INO80: variants seen among roughly 807,000 people sequenced by gnomAD.
INO80 encodes INO80 complex ATPase subunit.
In INO80, 20 loss-of-function variants were observed where a neutral mutation model predicts 203.4. The observed-to-expected ratio is 0.10, with a 90% CI of 0.07 to 0.14. INO80 has a LOEUF of 0.14. INO80 is among the 10% of genes least tolerant of loss of function. The pLI, the probability that INO80 is intolerant of heterozygous loss-of-function variation, is 1.00. For missense variants in INO80, 1,419 were observed against 1,914.4 expected, an observed-to-expected ratio of 0.74 and a Z score of 4.83; for synonymous variants, 726 against 685.2, an observed-to-expected ratio of 1.06 and a Z score of -0.93.
intron 29 of INO80, among the ~76,000 whole-genome samples, chr15:40,991,374 T>A (rs977512237): frequency 6.6e-6 from 1 of 152,038 alleles, no homozygotes; most frequent in Non-Finnish European, 1.5e-5. Context: ...CCAAGGCAGA[T>A]GTATGGTTAC....
intron 28 of INO80, among the ~76,000 whole-genome samples, chr15:40,998,432 G>C (rs2043910650): frequency 6.6e-6 from 1 of 152,128 alleles, no homozygotes; most frequent in Admixed American, 6.6e-5. Flanking sequence ...ATCAGTCCAT[G>C]AAGACAGGCT....
rs145789250 is a variant in INO80, at chr15:41,036,363, T to C, written c.2907+8541A>G. On this transcript the variant is annotated intron_variant, in intron 24 of 35. Coordinates refer to ENST00000648947, the MANE Select transcript of INO80 (RefSeq NM_017553.3). ...TAGCAACCTCTATTGCAAGTTTCTA[T>C]AGATTCACTTCTCTCTGGTGTTCCT... 2.2e-3 allele frequency among the ~76,000 whole-genome samples: 337 copies of C among 152,114 alleles called. 1 individual carries two copies. The highest frequency in any genetic ancestry group is 7.6e-3 in the African/African-American group (314 of 41,504).
At chr15:41,052,145 A>C (rs1224443159) in intron 19 of INO80, among the ~76,000 whole-genome samples, 2 of 152,082 alleles carry the variant, frequency 1.3e-5, no homozygotes, top group African/African-American at 4.8e-5. Context: ...AGTCTCAAAA[A>C]AAAAAAATTT....
At chr15:41,048,314 C>T (rs758092674) in intron 21 of INO80, 38 bp from the exon 22 acceptor site, 2 of 1,501,844 alleles carry the variant, frequency 1.3e-6, no homozygotes, top group South Asian at 2.3e-5. Flanking sequence ...CAAACCCAAA[C>T]ATAAATAATG....
At chr15:41,080,340 A>G (rs1424208790) in intron 8 of INO80, among the ~76,000 whole-genome samples, 1 of 152,164 alleles carries the variant, frequency 6.6e-6, no homozygotes, top group Non-Finnish European at 1.5e-5. Context: ...TTGAATGACT[A>G]CCCCAGAGAA....
intron 7 of INO80, among the ~76,000 whole-genome samples, chr15:41,081,438 G>A (rs552193550): frequency 6.6e-6 from 1 of 152,266 alleles, no homozygotes; most frequent in East Asian, 1.9e-4. Flanking sequence ...GGCTGAGAGA[G>A]CAGGGCATCC....
intron 26 of INO80, among the ~76,000 whole-genome samples, chr15:41,016,461 C>T (rs1200961887): frequency 6.6e-6 from 1 of 152,244 alleles, no homozygotes; most frequent in Admixed American, 6.5e-5. Context: ...GACATGTGCT[C>T]TTAAGGCACT....
chr15:41,100,653 A>G (rs1180056317), intron 1 of INO80, among the ~76,000 whole-genome samples: 1 of 152,198 alleles, frequency 6.6e-6, no homozygotes, highest in African/African-American at 2.4e-5. Flanking sequence ...ATTCTCCACA[A>G]GAAGTCCTAT....
rs534669985 is a variant in INO80 at position 41,038,681 on chromosome 15, A to G, written c.2907+6223T>C. Among the ~76,000 whole-genome samples the G allele has an allele frequency of 1.4e-4, 21 of 152,224 alleles. No individual in the cohort carries two copies. The South Asian group carries it at 3.7e-3, about 27-fold the overall frequency. Reference sequence around the variant, plus strand: ...AAAGTCCCTTGATCCCTTTTCTATAATCTTTCTGTTACAACCATTGCTATC... The same window carrying G: ...AAAGTCCCTTGATCCCTTTTCTATAGTCTTTCTGTTACAACCATTGCTATC... On this transcript the variant is annotated intron_variant, in intron 24 of 35. Coordinates refer to ENST00000648947, the MANE Select transcript of INO80 (RefSeq NM_017553.3).
intron 24 of INO80, among the ~76,000 whole-genome samples, chr15:41,035,064 C>G (rs747143696): frequency 2.0e-5 from 3 of 152,162 alleles, no homozygotes; most frequent in Non-Finnish European, 4.4e-5. Context: ...TCTTTCCCAG[C>G]TAACATTTGC....
intron 1 of INO80, among the ~76,000 whole-genome samples, chr15:41,104,837 G>A (rs2045861028): frequency 6.6e-6 from 1 of 152,074 alleles, no homozygotes; most frequent in Non-Finnish European, 1.5e-5. Flanking sequence ...ACCACACCCG[G>A]CCAACTTATC....
chr15:41,086,567 C>T (rs1256625709), intron 6 of INO80, among the ~76,000 whole-genome samples: 1 of 151,264 alleles, frequency 6.6e-6, no homozygotes, highest in Non-Finnish European at 1.5e-5. Context: ...ATGAGAATTG[C>T]GTGAACTCAG....
At chr15:41,092,374 C>T (rs1032549282) in intron 4 of INO80, among the ~76,000 whole-genome samples, 192 bp from the exon 5 acceptor site, 5 of 152,132 alleles carry the variant, frequency 3.3e-5, no homozygotes, top group Non-Finnish European at 5.9e-5. Flanking sequence ...GGAATACAAA[C>T]TAAAATGCAA....
chr15:41,003,171 A>G (rs576622387), intron 28 of INO80, among the ~76,000 whole-genome samples: 1 of 152,122 alleles, frequency 6.6e-6, no homozygotes, highest in Admixed American at 6.6e-5. Context: ...TTTTAATGAT[A>G]TATGAAAATG....
intron 27 of INO80, among the ~76,000 whole-genome samples, chr15:41,007,971 C>T (rs547271735): frequency 3.3e-5 from 5 of 152,102 alleles, no homozygotes; most frequent in Middle Eastern, 3.4e-3. Context: ...ATCAAGAGTT[C>T]GAGACAAGCC....
At chr15:41,075,353 C>G (rs189725750) in intron 9 of INO80, among the ~76,000 whole-genome samples, 3 of 151,918 alleles carry the variant, frequency 2.0e-5, no homozygotes, top group African/African-American at 7.2e-5. Flanking sequence ...CTCACCGTAA[C>G]CTCTGCCTCC....
In INO80 at chr15:41,045,017, A is replaced by G; in HGVS notation, c.2794T>C (p.Trp932Arg). The change falls in exon 24 of 36, where the codon TGG becomes CGG. Residue 932 changes from tryptophan to arginine, a missense_variant. Around this residue, in one of 9 missense-constraint regions of INO80, gnomAD observed 302 missense variants for 345.4 expected, o/e 0.87. Coordinates refer to ENST00000648947, the MANE Select transcript of INO80 (RefSeq NM_017553.3). ...TGGCTCTCCCCTTCTGGCGCTCCCC[A>G]GGAGCGTAGCTGATGGAGCCTGTAG... is the stretch of plus-strand genomic sequence containing the variant. The part of the protein sequence containing the change: ...ASYRLHQLRS[W>R]GAPEGESHQR... 6.2e-7 allele frequency: 1 copy of G among 1,613,720 alleles called. No individual in the cohort carries two copies. The highest frequency in any genetic ancestry group is 8.5e-7 in the Non-Finnish European group (1 of 1,179,840).
At chr15:40,986,966 AAT>A in intron 31 of INO80, 123 bp downstream of exon 31, 1 of 565,598 alleles carries the variant, frequency 1.8e-6, no homozygotes, top group Non-Finnish European at 3.2e-6. Flanking sequence ...TTTTATATAA[AAT>A]ATGAGCACAA....
chr15:40,993,773 T>TAA (rs377016726), intron 29 of INO80, among the ~76,000 whole-genome samples: 10 of 5,826 alleles, frequency 1.7e-3, no homozygotes, highest in East Asian at 7.6e-3. Context: ...AATAAATAAA[T>TAA]AAATAAAAAG....
Sources: allele counts gnomAD v4.1 joint callset (sites outside exome capture counted in the v4.1 genomes callset), GRCh38; gene constraint gnomAD v4.1.1; regional missense constraint gnomAD v4.1.1; transcripts MANE v1.5; gene names NCBI Gene and HGNC (gene_info 2026-07-23, HGNC 2026-07-21).